TEX11: variants seen among roughly 807,000 people sequenced by gnomAD.
The protein encoded by TEX11 is testis-expressed protein 11.
Under a neutral mutation model 84.4 loss-of-function variants are expected in TEX11, and 7 were observed. That is an observed-to-expected ratio of 0.08 (90% CI 0.05 to 0.16). The LOEUF is 0.16. TEX11 is among the 10% of genes least tolerant of loss of function. TEX11 has a pLI of 1.00. For synonymous variants in TEX11, 264 were observed against 222.8 expected (o/e 1.18, Z -1.64); for missense variants, 551 against 660.5 (o/e 0.83, Z 1.82).
At chrX:70,537,145 C>T (rs1434167756) in intron 28 of TEX11, among the ~76,000 whole-genome samples, 1 of 111,231 alleles carries the variant, frequency 9.0e-6, no homozygotes, top group African/African-American at 3.3e-5. Context: ...GAGACATGGG[C>T]CAATGAGGGA....
chrX:70,854,972 C>T (rs1451390307), intron 5 of TEX11, among the ~76,000 whole-genome samples: 1 of 108,996 alleles, frequency 9.2e-6, no homozygotes, highest in East Asian at 2.9e-4. Context: ...TGCTTGAGCC[C>T]GGGGTGCCAA....
intron 10 of TEX11, among the ~76,000 whole-genome samples, chrX:70,741,903 A>G (rs1052541590): frequency 9.0e-6 from 1 of 111,592 alleles, no homozygotes; most frequent in Non-Finnish European, 1.9e-5. Context: ...AAAGTTTATC[A>G]TTATCTTCCC....
At chrX:70,733,247 G>T (rs1345867628) in intron 11 of TEX11, among the ~76,000 whole-genome samples, 1 of 111,607 alleles carries the variant, frequency 9.0e-6, no homozygotes, top group African/African-American at 3.3e-5. Flanking sequence ...CATGGGCAAG[G>T]ACTTCATGTC....
intron 2 of TEX11, among the ~76,000 whole-genome samples, chrX:70,903,283 T>C (rs958117009): frequency 9.0e-6 from 1 of 111,609 alleles, no homozygotes; most frequent in Non-Finnish European, 1.9e-5. Context: ...TAGTCATTTA[T>C]TATCACCATC....
intron 15 of TEX11, 104 bp downstream of exon 15, chrX:70,678,700 A>G: frequency 1.6e-6 from 1 of 606,472 alleles, no homozygotes; most frequent in South Asian, 2.7e-5. Context: ...ATCTAAACAG[A>G]CAGAGATTAT....
chrX:70,793,210 C>T (rs2091135331), intron 9 of TEX11, among the ~76,000 whole-genome samples: 1 of 111,684 alleles, frequency 9.0e-6, no homozygotes, highest in Admixed American at 9.5e-5. Context: ...ATAATAAGAG[C>T]CATCTATGAC....
In TEX11 at chrX:70,639,591, C is replaced by T. The variant is rs182928736; in HGVS notation, c.1484-9856G>A. ...AGATCTGAGAACGGGCAGACTGCCT[C>T]CTCAAGTGGCTCCCTGACCCCTGAC... On this transcript the variant is annotated intron_variant, in intron 17 of 29. Transcript: ENST00000374333. Among the ~76,000 whole-genome samples the T allele has an allele frequency of 8.7e-3, 974 of 111,746 alleles. 8 individuals are homozygous for T. The highest frequency in any genetic ancestry group is 0.029 in the African/African-American group (879 of 30,751).
intron 9 of TEX11, among the ~76,000 whole-genome samples, chrX:70,788,161 G>A (rs1394048306): frequency 1.8e-5 from 2 of 111,606 alleles, no homozygotes; most frequent in Non-Finnish European, 3.8e-5. Flanking sequence ...ATGGGAAAAC[G>A]ACACTAAAAT....
intron 25 of TEX11, among the ~76,000 whole-genome samples, chrX:70,568,704 T>C (rs2088535699): frequency 9.0e-6 from 1 of 111,637 alleles, no homozygotes; most frequent in Non-Finnish European, 1.9e-5. Context: ...CATTGAAAAT[T>C]CTTTTCTTTA....
chrX:70,647,850 TG>T (rs1276755708), intron 17 of TEX11, among the ~76,000 whole-genome samples: 2 of 111,142 alleles, frequency 1.8e-5, no homozygotes, highest in Non-Finnish European at 3.8e-5. Flanking sequence ...TGGAAGTCAG[TG>T]TGGCGATTCC....
the TEX11 span, among the ~76,000 whole-genome samples, chrX:70,512,788 A>G: frequency 1.8e-5 from 2 of 108,741 alleles, no homozygotes; most frequent in Non-Finnish European, 3.8e-5. Flanking sequence ...ATGCAGACAT[A>G]ACATGACTAT....
At chrX:70,841,595 T>G (rs1357470672) in intron 7 of TEX11, among the ~76,000 whole-genome samples, 2 of 109,846 alleles carry the variant, frequency 1.8e-5, no homozygotes, top group African/African-American at 3.3e-5. Context: ...GCAAACACAT[T>G]CAAAAGCTAG....
chrX:70,790,037 G>A (rs750111405), intron 9 of TEX11, among the ~76,000 whole-genome samples: 2 of 112,315 alleles, frequency 1.8e-5, no homozygotes, highest in Non-Finnish European at 3.8e-5. Flanking sequence ...AGCACGGAGA[G>A]TCAAATACCA....
At chrX:70,674,310 T>C (rs1235716125) in intron 15 of TEX11, among the ~76,000 whole-genome samples, 1 of 112,070 alleles carries the variant, frequency 8.9e-6, no homozygotes, top group Admixed American at 9.5e-5. Flanking sequence ...TTGATGGGCA[T>C]TTAGGTTGAG....
intron 9 of TEX11, among the ~76,000 whole-genome samples, chrX:70,792,859 A>G (rs1413517858): frequency 1.8e-5 from 2 of 111,273 alleles, no homozygotes; most frequent in Non-Finnish European, 3.8e-5. Context: ...TGGTGGCATC[A>G]TCCTGATACC....
intron 25 of TEX11, among the ~76,000 whole-genome samples, chrX:70,584,528 A>G (rs1054296492): frequency 2.7e-5 from 3 of 111,790 alleles, no homozygotes; most frequent in Non-Finnish European, 5.6e-5. Context: ...AGAGGAGGGA[A>G]TACTTCCTAA....
chrX:70,595,522 G>A (rs2088994602), intron 24 of TEX11, among the ~76,000 whole-genome samples: 2 of 111,341 alleles, frequency 1.8e-5, no homozygotes, highest in South Asian at 3.8e-4. Context: ...GAGTTAATAG[G>A]AATAGCATTT....
intron 13 of TEX11, among the ~76,000 whole-genome samples, chrX:70,701,677 G>A (rs776589066): frequency 1.7e-4 from 19 of 112,214 alleles, no homozygotes; most frequent in South Asian, 3.7e-4. Context: ...TCCTCTCATG[G>A]ATCTGGACAA....
chrX:70,673,901 T>C (rs2090046235), intron 15 of TEX11, among the ~76,000 whole-genome samples: 1 of 112,083 alleles, frequency 8.9e-6, no homozygotes, highest in African/African-American at 3.2e-5. Flanking sequence ...ATTTTCTTTT[T>C]ATAATTTTTA....
Sources: gnomAD v4.1 joint callset for allele counts (sites outside exome capture counted in the v4.1 genomes callset) on GRCh38, gnomAD v4.1.1 for gene constraint, MANE v1.5 for transcripts, NCBI Gene and HGNC (gene_info 2026-07-23, HGNC 2026-07-21) for gene names.